Variants in MGST2 observed in about 807,000 individuals in gnomAD.
MGST2 encodes microsomal glutathione S-transferase 2.
In MGST2, 9 loss-of-function variants were observed where a neutral mutation model predicts 16.6. The observed-to-expected ratio is 0.54, with a 90% CI of 0.33 to 0.95. The LOEUF is 0.95. MGST2 is among the 40% of genes least tolerant of loss of function. The pLI is 0.03. For synonymous variants in MGST2, 79 were observed against 68.0 expected, an observed-to-expected ratio of 1.16 and a Z score of -0.79; for missense variants, 159 against 175.1, an observed-to-expected ratio of 0.91 and a Z score of 0.52.
downstream of MGST2, among the ~76,000 whole-genome samples, chr4:139,743,118 C>A: frequency 6.6e-6 from 1 of 152,224 alleles, no homozygotes; most frequent in East Asian, 1.9e-4. Flanking sequence ...CTTCCCAGAT[C>A]CAGGCAGGCT....
At chr4:139,742,333 G>A (rs1415384193), downstream of MGST2, among the ~76,000 whole-genome samples, 1 of 152,072 alleles carries the variant, frequency 6.6e-6, no homozygotes, top group Non-Finnish European at 1.5e-5. Flanking sequence ...ATTTTTAGTA[G>A]AGGCAGGGTT....
chr4:139,705,659 A>AAG (rs1553948681), downstream of MGST2: 1 of 151,650 alleles, frequency 6.6e-6, no homozygotes, highest in Non-Finnish European at 1.5e-5. Context: ...AAGTAAAAAA[A>AAG]GGATACCATT....
chr4:139,697,173 A>G (rs1726973249), intron 3 of MGST2, among the ~76,000 whole-genome samples: 1 of 152,152 alleles, frequency 6.6e-6, no homozygotes, highest in African/African-American at 2.4e-5. Flanking sequence ...GGGGTTAGCA[A>G]CTTTATAGAT....
chr4:139,719,350 C>A (rs1478231277), intron 5 of MGST2: 1 of 1,601,556 alleles, frequency 6.2e-7, no homozygotes, highest in South Asian at 1.1e-5. Flanking sequence ...ATTCATCAAG[C>A]TCCTGCATCC....
intron 3 of MGST2, among the ~76,000 whole-genome samples, chr4:139,699,205 G>T (rs756201387): frequency 6.6e-6 from 1 of 152,196 alleles, no homozygotes; most frequent in Non-Finnish European, 1.5e-5. Context: ...ACAGGAGGTG[G>T]CTACAAAATA....
At chr4:139,709,078 T>A (rs1189064441), downstream of MGST2, among the ~76,000 whole-genome samples, 372 of 51,580 alleles carry the variant, frequency 7.2e-3, 12 homozygotes, top group African/African-American at 0.018. Context: ...AAAATTTTTT[T>A]TTTTTTTTTT....
intron 5 of MGST2, chr4:139,719,124 T>A: frequency 1.7e-6 from 1 of 594,330 alleles, no homozygotes; most frequent in Non-Finnish European, 2.8e-6. Flanking sequence ...CTCATCTCGA[T>A]TGCTGTGTGA....
chr4:139,696,133 C>T (rs1175734761), intron 3 of MGST2, among the ~76,000 whole-genome samples: 4 of 152,124 alleles, frequency 2.6e-5, no homozygotes, highest in African/African-American at 9.7e-5. Flanking sequence ...GGTCTTCATC[C>T]TCATCATTTT....
intron 5 of MGST2, among the ~76,000 whole-genome samples, chr4:139,724,460 CCTT>C (rs533533094): frequency 1.6e-3 from 243 of 152,240 alleles, no homozygotes; most frequent in African/African-American, 5.4e-3. Context: ...AAAAATGCTA[CCTT>C]AGATCAGAAA....
At chr4:139,696,752 C>A (rs1726945498) in intron 3 of MGST2, among the ~76,000 whole-genome samples, 1 of 152,208 alleles carries the variant, frequency 6.6e-6, no homozygotes, top group Non-Finnish European at 1.5e-5. Flanking sequence ...ACGGCTTTCA[C>A]AACCTTCCTA....
At chr4:139,728,871 C>T (rs1350274112) in intron 5 of MGST2, among the ~76,000 whole-genome samples, 3 of 152,142 alleles carry the variant, frequency 2.0e-5, no homozygotes, top group Non-Finnish European at 4.4e-5. Flanking sequence ...GCCTGCTTGC[C>T]CTGGGCCTTC....
At chr4:139,704,319 G>A, downstream of MGST2, 2 of 804,762 alleles carry the variant, frequency 2.5e-6, no homozygotes, top group Non-Finnish European at 3.9e-6. Context: ...TTTGCTTGGG[G>A]TAGGTACATC....
Position 139,665,990 on chromosome 4 carries a change from G to T in MGST2, c.-30G>T. 6.2e-7 allele frequency: 1 copy of T among 1,612,372 alleles called. No individual in the cohort carries two copies. The highest frequency in any genetic ancestry group is 1.3e-5 in the African/African-American group (1 of 74,962). ...GTCAAGAAGCGCCATTTATCTTCCC[G>T]TGCGCTCTACAAATAGTTCCGTGAG... On this transcript the variant is annotated 5_prime_UTR_variant, in exon 1 of 5. Coordinates refer to ENST00000265498, the MANE Select transcript of MGST2 (RefSeq NM_002413.5).
chr4:139,676,832 G>C (rs1195416962), intron 1 of MGST2, among the ~76,000 whole-genome samples: 1 of 152,146 alleles, frequency 6.6e-6, no homozygotes, highest in Non-Finnish European at 1.5e-5. Flanking sequence ...AGATTTCTTT[G>C]ACAGATTTTC....
At chr4:139,722,848 A>G (rs1346751184) in intron 5 of MGST2, among the ~76,000 whole-genome samples, 1 of 152,260 alleles carries the variant, frequency 6.6e-6, no homozygotes, top group African/African-American at 2.4e-5. Flanking sequence ...GATGCATAAC[A>G]TCATGCTATC....
intron 1 of MGST2, among the ~76,000 whole-genome samples, chr4:139,667,238 G>T (rs79960055): frequency 6.6e-6 from 1 of 152,282 alleles, no homozygotes; most frequent in Non-Finnish European, 1.5e-5. Flanking sequence ...AGTTCACGAT[G>T]TACGGAGAAA....
At chr4:139,728,424 C>T (rs150902181) in intron 5 of MGST2, among the ~76,000 whole-genome samples, 146 of 152,284 alleles carry the variant, frequency 9.6e-4, no homozygotes, top group Middle Eastern at 3.4e-3. Flanking sequence ...ATACAGCTTC[C>T]AAAACATTTT....
chr4:139,669,071 T>G (rs1473377598), intron 1 of MGST2, among the ~76,000 whole-genome samples: 1 of 152,142 alleles, frequency 6.6e-6, no homozygotes, highest in East Asian at 1.9e-4. Flanking sequence ...TCAATGTTAA[T>G]GCTGGTCAGT....
chr4:139,673,968 G>A (rs760690871), intron 1 of MGST2, among the ~76,000 whole-genome samples: 1 of 152,168 alleles, frequency 6.6e-6, no homozygotes, highest in Non-Finnish European at 1.5e-5. Context: ...CTTGACACAG[G>A]GGCTTACAGG....
Sources: gnomAD v4.1 joint callset for allele counts (sites outside exome capture counted in the v4.1 genomes callset) on GRCh38, gnomAD v4.1.1 for gene constraint, MANE v1.5 for transcripts, NCBI Gene and HGNC (gene_info 2026-07-23, HGNC 2026-07-21) for gene names.